ADGRL4: variants seen among roughly 807,000 people sequenced by gnomAD.
The protein encoded by ADGRL4 is EGF, latrophilin and seven transmembrane domain containing 1.
In ADGRL4, 90 loss-of-function variants were observed where a neutral mutation model predicts 74.8. The observed-to-expected ratio is 1.20, with a 90% CI of 1.02 to 1.43. ADGRL4 has a LOEUF of 1.43. ADGRL4 is among the 40% of genes most tolerant of loss of function. ADGRL4 has a pLI of 0.00. For synonymous variants in ADGRL4, 311 were observed against 279.2 expected (o/e 1.11, Z -1.14); for missense variants, 881 against 814.3 (o/e 1.08, Z -1.00).
intron 12 of ADGRL4, among the ~76,000 whole-genome samples, chr1:78,911,888 C>T (rs1195727877): frequency 2.6e-5 from 4 of 151,812 alleles, no homozygotes; most frequent in African/African-American, 7.3e-5. Flanking sequence ...ATATTAGGAA[C>T]CCAAGGCTAG....
At chr1:78,947,152 G>C (rs1649618332) in intron 2 of ADGRL4, among the ~76,000 whole-genome samples, 1 of 152,124 alleles carries the variant, frequency 6.6e-6, no homozygotes, top group Admixed American at 6.6e-5. Context: ...TGGAGGAGGA[G>C]AATATTTTCC....
chr1:78,910,819 C>A (rs926404007), intron 12 of ADGRL4, among the ~76,000 whole-genome samples: 1 of 151,768 alleles, frequency 6.6e-6, no homozygotes, highest in African/African-American at 2.4e-5. Context: ...ACAATCTTAA[C>A]ATTTTAAATG....
intron 12 of ADGRL4, among the ~76,000 whole-genome samples, chr1:78,904,363 T>C (rs72675842): frequency 0.032 from 4,816 of 152,080 alleles, 83 homozygotes; most frequent in Non-Finnish European, 0.037. Flanking sequence ...AATATTTCAT[T>C]TAAAAAAATG....
At chr1:78,911,399 A>T (rs1648758975) in intron 12 of ADGRL4, among the ~76,000 whole-genome samples, 1 of 151,810 alleles carries the variant, frequency 6.6e-6, no homozygotes. Flanking sequence ...TTGTGTCTTT[A>T]TTCTGGAAAA....
At chr1:78,998,484 C>T (rs1329394652) in intron 2 of ADGRL4, among the ~76,000 whole-genome samples, 1 of 150,586 alleles carries the variant, frequency 6.6e-6, no homozygotes, top group African/African-American at 2.4e-5. Flanking sequence ...ATTCTCCTGC[C>T]TCAGTCTCCC....
chr1:78,922,180 G>T (rs758527125), intron 8 of ADGRL4, among the ~76,000 whole-genome samples: 15 of 151,978 alleles, frequency 9.9e-5, no homozygotes, highest in Non-Finnish European at 1.6e-4. Flanking sequence ...ATTCTAGTTA[G>T]AGATGAAAAA....
chr1:78,955,732 T>C (rs1319369568), intron 2 of ADGRL4, among the ~76,000 whole-genome samples: 1 of 152,086 alleles, frequency 6.6e-6, no homozygotes, highest in Non-Finnish European at 1.5e-5. Flanking sequence ...AATACACTAA[T>C]TTACTTAGAA....
chr1:78,899,329 T>A (rs1368735198), intron 12 of ADGRL4, among the ~76,000 whole-genome samples: 2 of 152,182 alleles, frequency 1.3e-5, no homozygotes, highest in Non-Finnish European at 2.9e-5. Context: ...TCAATCGTTA[T>A]ACCACTGCAG....
intron 7 of ADGRL4, among the ~76,000 whole-genome samples, chr1:78,929,653 A>G (rs1649198025): frequency 6.6e-6 from 1 of 151,630 alleles, no homozygotes; most frequent in Non-Finnish European, 1.5e-5. Context: ...TGCAGACATC[A>G]TTGAGAGGGT....
intron 2 of ADGRL4, among the ~76,000 whole-genome samples, chr1:78,996,293 G>A (rs1013261042): frequency 7.2e-5 from 11 of 152,078 alleles, no homozygotes; most frequent in Admixed American, 6.6e-4. Context: ...GATTTGAGTA[G>A]GTTTTTAGCC....
chr1:78,969,707 G>GTT (rs3063120), intron 2 of ADGRL4, among the ~76,000 whole-genome samples: 88 of 144,022 alleles, frequency 6.1e-4, no homozygotes, highest in African/African-American at 1.9e-3. Flanking sequence ...TGATTTGTGG[G>GTT]TTTTTTTTTT....
intron 2 of ADGRL4, among the ~76,000 whole-genome samples, chr1:78,982,337 G>C (rs1650411813): frequency 6.6e-6 from 1 of 151,910 alleles, no homozygotes; most frequent in African/African-American, 2.4e-5. Context: ...CAAAGGAAAT[G>C]AGCTGATAAT....
intron 12 of ADGRL4, among the ~76,000 whole-genome samples, chr1:78,901,832 G>A (rs1648527914): frequency 6.6e-6 from 1 of 152,118 alleles, no homozygotes; most frequent in Non-Finnish European, 1.5e-5. Context: ...ACTCACTAGG[G>A]TCAGGATTTA....
chr1:78,952,264 A>G (rs1271187933), intron 2 of ADGRL4, among the ~76,000 whole-genome samples: 1 of 150,838 alleles, frequency 6.6e-6, no homozygotes, highest in Non-Finnish European at 1.5e-5. Context: ...TAAAATGACT[A>G]TAACCATTAT....
At chr1:78,895,608 G>C (rs962525206) in intron 12 of ADGRL4, among the ~76,000 whole-genome samples, 1 of 151,862 alleles carries the variant, frequency 6.6e-6, no homozygotes, top group African/African-American at 2.4e-5. Flanking sequence ...ATAATGAAGG[G>C]AAAAAAAGTA....
intron 2 of ADGRL4, among the ~76,000 whole-genome samples, chr1:78,953,373 A>G (rs1162126891): frequency 1.3e-5 from 2 of 152,158 alleles, no homozygotes; most frequent in African/African-American, 4.8e-5. Context: ...TTCAATGGGG[A>G]AAATTAAATC....
At position 78,936,480 on chromosome 1, in the gene ADGRL4, C is replaced by T; in HGVS notation, c.761-69G>A. The T allele has an allele frequency of 5.4e-6, 7 of 1,288,740 alleles. No homozygotes were observed. In the South Asian group the frequency reaches 9.8e-5, roughly 18 times the overall value. 79.8% of individuals were successfully genotyped at this position (1,288,740 alleles called of 1,614,324 possible). ...TCAATATACATCATAAATATATTAGCTTAGAGACAATTTCATCCATCATTA... is the reference window on the plus strand; with the variant it reads ...TCAATATACATCATAAATATATTAGTTTAGAGACAATTTCATCCATCATTA... On this transcript the variant is annotated intron_variant, in intron 6 of 14. Transcript: ENST00000370742.
chr1:78,959,077 T>TAAG (rs1264488565), intron 2 of ADGRL4, among the ~76,000 whole-genome samples: 4 of 152,218 alleles, frequency 2.6e-5, no homozygotes, highest in Non-Finnish European at 5.9e-5. Context: ...ATAATGCTAC[T>TAAG]ACACACTTAC....
chr1:78,954,570 A>G (rs950255922), intron 2 of ADGRL4, among the ~76,000 whole-genome samples: 5 of 152,140 alleles, frequency 3.3e-5, no homozygotes, highest in Non-Finnish European at 5.9e-5. Context: ...AACAAAATCC[A>G]ATTATATTTT....
Sources: gnomAD v4.1 joint callset for allele counts (sites outside exome capture counted in the v4.1 genomes callset) on GRCh38, gnomAD v4.1.1 for gene constraint, MANE v1.5 for transcripts, NCBI Gene and HGNC (gene_info 2026-07-23, HGNC 2026-07-21) for gene names.